The following UTP20 variants were observed in gnomAD, a reference collection of about 807,000 sequenced individuals.
UTP20 encodes small subunit processome component 20 homolog.
Under a neutral mutation model 329.5 loss-of-function variants are expected in UTP20, and 164 were observed. That is an observed-to-expected ratio of 0.50 (90% CI 0.44 to 0.57). UTP20 has a LOEUF of 0.57. UTP20 is among the 20% of genes least tolerant of loss of function. The pLI, the probability that UTP20 is intolerant of heterozygous loss-of-function variation, is 0.00. For missense variants in UTP20, 3,055 were observed against 3,284.2 expected (o/e 0.93, Z 1.71); for synonymous variants, 1,151 against 1,159.3 (o/e 0.99, Z 0.14).
chr12:101,345,522 T>C, intron 36 of UTP20, 32 bp from the exon 37 acceptor site: 1 of 1,359,148 alleles, frequency 7.4e-7, no homozygotes. Context: ...CTTTTTAAAA[T>C]AAAATGTTTT....
rs974163391 is a variant in UTP20 at position 101,379,547 on chromosome 12, C to T, written c.7573C>T (p.Leu2525Phe). Residue 2525 changes from leucine (L) to phenylalanine (F), a missense_variant, in exon 57 of 62, where the codon CTT (leucine) becomes TTT (phenylalanine). By Grantham distance (22) the Leu-to-Phe change is conservative (BLOSUM62 0). Transcript: ENST00000261637. ...PVAIKFLASDLDQKMKSISLA... is the reference protein window; with the variant it reads ...PVAIKFLASDFDQKMKSISLA... ...AGCAATCAAGTTCCTAGCCAGTGACCTTGACCAAAAGGTAAGCTTTCTCTC... is the reference window on the plus strand; with the variant it reads ...AGCAATCAAGTTCCTAGCCAGTGACTTTGACCAAAAGGTAAGCTTTCTCTC... 6 of 1,610,994 alleles carry T rather than the reference C, an allele frequency of 3.7e-6. No individual in the cohort carries two copies. Among genetic ancestry groups the T allele is most frequent in the Non-Finnish European group, 5.1e-6 (6 of 1,178,300 alleles).
intron 45 of UTP20, 119 bp downstream of exon 45, chr12:101,363,862 T>C: frequency 1.5e-6 from 1 of 686,844 alleles, no homozygotes; most frequent in South Asian, 1.9e-5. Context: ...CCTTTGGTGA[T>C]AGGGCCCCAG....
chr12:101,338,170 A>C lies in UTP20; in HGVS notation c.3761A>C (p.Asp1254Ala), dbSNP rs1868995294. 1 of 1,614,148 alleles carries C rather than the reference A, an allele frequency of 6.2e-7. No individual in the cohort carries two copies. Among genetic ancestry groups the C allele is most frequent in the East Asian group, 2.2e-5 (1 of 44,874 alleles). ...GATGCCACAGCCAGTATTGTAATGG[A>C]CATAGTTGATGACCTTCTTAACCTT... ...LSDATASIVMDIVDDLLNLPD... is the reference protein window; with the variant it reads ...LSDATASIVMAIVDDLLNLPD... Residue 1254 changes from aspartate to alanine, a missense_variant, in exon 30 of 62, where the codon GAC (aspartate) becomes GCC (alanine). Physicochemically the swap from Asp to Ala is moderately radical, Grantham distance 126. Coordinates refer to ENST00000261637, the MANE Select transcript of UTP20 (RefSeq NM_014503.3).
At chr12:101,317,988 G>C (rs575528231) in intron 22 of UTP20, among the ~76,000 whole-genome samples, 2 of 152,272 alleles carry the variant, frequency 1.3e-5, no homozygotes, top group East Asian at 3.9e-4. Context: ...CACTTTCCCA[G>C]CGTGAGGGTA....
chr12:101,330,544 A>G (rs956079733), intron 27 of UTP20, among the ~76,000 whole-genome samples: 2 of 152,232 alleles, frequency 1.3e-5, no homozygotes, highest in Non-Finnish European at 2.9e-5. Flanking sequence ...AAAAGGGACT[A>G]TAGGAGGCCA....
rs181315483 is a variant in UTP20, at chr12:101,315,916, G to A, written c.2553-1562G>A. On this transcript the variant is annotated intron_variant, in intron 21 of 61. Coordinates refer to ENST00000261637, the MANE Select transcript of UTP20 (RefSeq NM_014503.3). ...ATGCTGTGGGGTAGAGGTAGAAACA[G>A]GAGCCTGTAACAGGGAGTGGGTCTC... is the stretch of plus-strand genomic sequence containing the variant. 1.6e-4 allele frequency among the ~76,000 whole-genome samples: 25 copies of A among 152,292 alleles called. 2 individuals are homozygous for A. Among genetic ancestry groups the A allele is most frequent in the East Asian group, 1.2e-3 (6 of 5,184 alleles).
At chr12:101,385,907 G>A (rs1010080091) in intron 61 of UTP20, 61 bp from the exon 62 acceptor site, 7 of 1,465,070 alleles carry the variant, frequency 4.8e-6, no homozygotes, top group Non-Finnish European at 6.4e-6. Flanking sequence ...TTCTGTATTT[G>A]ATTCTTATTG....
chr12:101,348,166 T>G (rs1386281483), intron 38 of UTP20, among the ~76,000 whole-genome samples: 4 of 152,200 alleles, frequency 2.6e-5, no homozygotes, highest in Non-Finnish European at 5.9e-5. Context: ...TTAACCTAAT[T>G]ATGACTTTAC....
At chr12:101,329,476 G>T in intron 27 of UTP20, 27 bp downstream of exon 27, 1 of 1,591,234 alleles carries the variant, frequency 6.3e-7, no homozygotes, top group East Asian at 2.3e-5. Context: ...ATGCTTTCAA[G>T]TCAAGTGCTT....
intron 56 of UTP20, among the ~76,000 whole-genome samples, chr12:101,377,532 G>A (rs1870514973): frequency 6.6e-6 from 1 of 152,050 alleles, no homozygotes; most frequent in Non-Finnish European, 1.5e-5. Flanking sequence ...GGTTTTCACC[G>A]TGTTGGCCAG....
intron 37 of UTP20, among the ~76,000 whole-genome samples, 167 bp from the exon 38 acceptor site, chr12:101,346,284 C>A (rs1869320409): frequency 6.6e-6 from 1 of 152,184 alleles, no homozygotes; most frequent in African/African-American, 2.4e-5. Context: ...CTCCCGACCT[C>A]AGGTGATCTG....
Position 101,309,839 on chromosome 12 carries a change from G to T in UTP20, c.2231G>T (p.Ser744Ile). Residue 744 changes from serine to isoleucine, a missense_variant and splice_region_variant, in exon 19 of 62, where the codon AGT becomes ATT. Physicochemically the swap from Ser to Ile is moderately radical, Grantham distance 142. Coordinates refer to ENST00000261637, the MANE Select transcript of UTP20 (RefSeq NM_014503.3). ...TGGGATCCTGTTATTGAACTCATAA[G>T]GTAAACATGGGTTAAATGGGATGAA... Reference protein sequence around the residue: ...ALWDPVIELISSHAHEMENKQ... With the variant: ...ALWDPVIELIISHAHEMENKQ... The T allele has an allele frequency of 6.2e-7, 1 of 1,611,966 alleles. No homozygotes were observed. The highest frequency in any genetic ancestry group is 8.5e-7 in the Non-Finnish European group (1 of 1,178,696).
Position 101,295,575 on chromosome 12 carries a change from C to T in UTP20, c.1347C>T (p.Leu449=), listed in dbSNP as rs749239323. The T allele has an allele frequency of 3.1e-6, 5 of 1,613,658 alleles. No individual in the cohort carries two copies. Among genetic ancestry groups the T allele is most frequent in the South Asian group, 2.2e-5 (2 of 91,028 alleles). The change falls in exon 12 of 62, where the codon CTC becomes CTT. Residue 449 remains leucine, a synonymous_variant. Coordinates refer to ENST00000261637, the MANE Select transcript of UTP20 (RefSeq NM_014503.3). The stretch of plus-strand genomic sequence containing the variant: ...AAGCTCTGGCCATTCTGGCCAAGCT[C>T]ATTCTGAACAAAGCAGCACCTCCCA... ...KDEALAILAK[L]ILNKAAPPTA... is the part of the protein sequence containing the mutation.
intron 56 of UTP20, among the ~76,000 whole-genome samples, chr12:101,376,274 A>G (rs1870468358): frequency 1.3e-5 from 2 of 152,232 alleles, no homozygotes; most frequent in Non-Finnish European, 2.9e-5. Context: ...ATAGCTATAT[A>G]GTAGTCCATT....
At chr12:101,382,396 T>G (rs1870676473) in intron 58 of UTP20, among the ~76,000 whole-genome samples, 1 of 151,984 alleles carries the variant, frequency 6.6e-6, no homozygotes, top group Non-Finnish European at 1.5e-5. Flanking sequence ...AGACTCTGTC[T>G]CAAAAAATAC....
Position 101,290,621 on chromosome 12 carries a change from C to T in UTP20, c.736-112C>T. On this transcript the variant is annotated intron_variant, in intron 7 of 61. Transcript: ENST00000261637. ...ACCATCAAAGTTGCCATATCCTTGA[C>T]TATTCCAGACCTGATTTTTAAGGTA... is the stretch of plus-strand genomic sequence containing the variant. 4 of 1,227,186 alleles carry T rather than the reference C, an allele frequency of 3.3e-6. No homozygotes were observed. The South Asian group carries it at 7.3e-5, about 22-fold the overall frequency. The allele number at this position is 1,227,186 out of a possible 1,614,324, so 76.0% of individuals were successfully genotyped here.
chr12:101,371,102 C>G lies in UTP20; in HGVS notation c.6732C>G (p.Val2244=). 6.2e-7 allele frequency: 1 copy of G among 1,614,112 alleles called. No individual in the cohort carries two copies. Among genetic ancestry groups the G allele is most frequent in the African/African-American group, 1.3e-5 (1 of 75,036 alleles). The change falls in exon 51 of 62, where the codon GTC becomes GTG. Residue 2244 remains valine (V), a synonymous_variant. Coordinates refer to ENST00000261637, the MANE Select transcript of UTP20 (RefSeq NM_014503.3). The part of the protein sequence containing the change: ...RKLLVPEIDE[V]MRKVSKLAVS... ...TGTTGGTCCCAGAAATCGATGAGGT[C>G]ATGCGGAAAGTATCCAAGTTGGCAG...
At position 101,340,168 on chromosome 12, in the gene UTP20, A is replaced by G. The variant is rs117696638; in HGVS notation, c.4014-355A>G. Among the ~76,000 whole-genome samples, 627 of 152,250 alleles carry G rather than the reference A, an allele frequency of 4.1e-3. 4 individuals are homozygous for G. The highest frequency in any genetic ancestry group is 5.0e-3 in the Non-Finnish European group (343 of 68,010). On this transcript the variant is annotated intron_variant, in intron 31 of 61. Transcript: ENST00000261637. ...TGTTAAATTGAAATACTGTACATAA[A>G]CCCTTAAGTCTTGGCACTTAAAAAT...
intron 60 of UTP20, among the ~76,000 whole-genome samples, chr12:101,385,180 TC>T (rs1372301117): frequency 1.3e-5 from 2 of 151,734 alleles, no homozygotes; most frequent in African/African-American, 4.9e-5. Flanking sequence ...CTCTTACTTT[TC>T]CCCCCATCTG....
Sources: allele counts gnomAD v4.1 joint callset (sites outside exome capture counted in the v4.1 genomes callset), GRCh38; gene constraint gnomAD v4.1.1; transcripts MANE v1.5; gene names NCBI Gene and HGNC (gene_info 2026-07-23, HGNC 2026-07-21).